Variants in TLR1 observed in about 807,000 individuals in gnomAD.
TLR1 encodes toll like receptor 1, also known as toll-like receptor 1.
In TLR1, 19 loss-of-function variants were observed where a neutral mutation model predicts 20.2. That is an observed-to-expected ratio of 0.94 (90% CI 0.66 to 1.38). TLR1 has a LOEUF of 1.38. Ranked by LOEUF, TLR1 falls within the 40% of genes most tolerant of loss-of-function variation. The pLI is 0.00. For synonymous variants in TLR1, 320 were observed against 334.5 expected (o/e 0.96, Z 0.47); for missense variants, 921 against 910.0 (o/e 1.01, Z -0.16).
At position 38,796,329 on chromosome 4, in the gene TLR1, G is replaced by A; in HGVS notation, c.*142C>T. ...TAATACCACATATAAATGGTGAACT[G>A]CGACCCGAAGGTATATATTTTTACC... On this transcript the variant is annotated 3_prime_UTR_variant, in exon 4 of 4. Transcript: ENST00000308979. 1 of 869,814 alleles carries A rather than the reference G, an allele frequency of 1.1e-6. No individual in the cohort carries two copies. The highest frequency in any genetic ancestry group is 1.7e-6 in the Non-Finnish European group (1 of 581,724). 53.9% of individuals were successfully genotyped at this position (869,814 alleles called of 1,614,324 possible).
chr4:38,804,218 C>T (rs1019456068), intron 2 of TLR1, 88 bp downstream of exon 2: 2 of 152,200 alleles, frequency 1.3e-5, no homozygotes, highest in Non-Finnish European at 1.5e-5. Context: ...TTCTACCTCA[C>T]GTCTAGCTCC....
In TLR1 at chr4:38,797,791, A is replaced by G. The variant is rs759346067; in HGVS notation, c.1041T>C (p.Ile347=). Residue 347 remains isoleucine, a synonymous_variant, in exon 4 of 4, where the codon ATT becomes ATC. Transcript: ENST00000308979. ...RMVHMLCPSK[I]SPFLHLDFSN... is the part of the protein sequence containing the mutation. ...AAAAATCCAAATGCAGGAACGGGCT[A>G]ATTTTGGATGGGCAAAGCATGTGGA... is the stretch of plus-strand genomic sequence containing the variant. 1 of 1,614,182 alleles carries G rather than the reference A, an allele frequency of 6.2e-7. No individual in the cohort carries two copies. Among genetic ancestry groups the G allele is most frequent in the Non-Finnish European group, 8.5e-7 (1 of 1,180,002 alleles).
At chr4:38,805,123 T>A (rs997734071), upstream of TLR1, 2 of 152,306 alleles carry the variant, frequency 1.3e-5, no homozygotes, top group African/African-American at 4.8e-5. Flanking sequence ...GTGGTGGCTA[T>A]GCTTGGCAGA....
chr4:38,797,549 A>T lies in TLR1; in HGVS notation c.1283T>A (p.Leu428Ter). 1.2e-6 allele frequency: 2 copies of T among 1,613,680 alleles called. No individual in the cohort carries two copies. The highest frequency in any genetic ancestry group is 1.7e-6 in the Non-Finnish European group (2 of 1,179,930). ...DCSWTKSLLS[L>*]NMSSNILTDT... ...AGTAAGTATATTTGAAGACATATTTAAACTTAATAAACTTTTAGTCCAAGA... is the reference window on the plus strand; with the variant it reads ...AGTAAGTATATTTGAAGACATATTTTAACTTAATAAACTTTTAGTCCAAGA... The change falls in exon 4 of 4, where the codon TTA becomes TAA. Residue 428 changes from leucine to a stop codon, truncating the protein, a stop_gained. Transcript: ENST00000308979. LOFTEE classifies it high-confidence loss of function.
intron 3 of TLR1, chr4:38,800,414 T>C (rs1158470986): frequency 6.6e-6 from 1 of 152,204 alleles, no homozygotes; most frequent in Non-Finnish European, 1.5e-5. Context: ...AGAATACTTT[T>C]TTCATTCATT....
downstream of TLR1, chr4:38,794,655 C>T (rs1221260055): frequency 6.7e-6 from 1 of 148,550 alleles, no homozygotes; most frequent in East Asian, 2.0e-4. Context: ...AAAAAAGACA[C>T]ATCATTTCTA....
In TLR1 at chr4:38,796,805, C is replaced by A; in HGVS notation, c.2027G>T (p.Gly676Val). The A allele has an allele frequency of 6.2e-7, 1 of 1,614,216 alleles. No homozygotes were observed. The highest frequency in any genetic ancestry group is 8.5e-7 in the Non-Finnish European group (1 of 1,180,048). ...GATGATATTTTCCACAATGCTCTTG[C>A]CAGGAACAAAGTTTCTCTCATGAAG... ...ICLHERNFVP[G>V]KSIVENIITC... Residue 676 changes from glycine to valine, a missense_variant, in exon 4 of 4, where the codon GGC becomes GTC. Physicochemically the swap from Gly to Val is moderately radical, Grantham distance 109. Transcript: ENST00000308979.
In TLR1 at chr4:38,798,400, C is replaced by T. The variant is rs549108663; in HGVS notation, c.432G>A (p.Leu144=). ...EFGNMSQLKF[L]GLSTTHLEKS... is the part of the protein sequence containing the mutation. Reference sequence around the variant, plus strand: ...TTTCTAAGTGTGTGGTGCTCAACCCCAGAAATTTTAGTTGAGACATATTGC... The same window carrying T: ...TTTCTAAGTGTGTGGTGCTCAACCCTAGAAATTTTAGTTGAGACATATTGC... The change falls in exon 4 of 4, where the codon CTG becomes CTA. Residue 144 remains leucine (L), a synonymous_variant. Coordinates refer to ENST00000308979, the MANE Select transcript of TLR1 (RefSeq NM_003263.4). The T allele has an allele frequency of 1.9e-6, 3 of 1,613,566 alleles. No homozygotes were observed. The highest frequency in any genetic ancestry group is 2.7e-5 in the African/African-American group (2 of 74,950).
chr4:38,791,859 C>T (rs1725737498), downstream of TLR1, among the ~76,000 whole-genome samples: 1 of 152,148 alleles, frequency 6.6e-6, no homozygotes, highest in Non-Finnish European at 1.5e-5. Flanking sequence ...TCTCATTTTA[C>T]GTCTCCACAG....
downstream of TLR1, among the ~76,000 whole-genome samples, chr4:38,790,524 T>A (rs912672829): frequency 6.6e-6 from 1 of 152,180 alleles, no homozygotes; most frequent in Non-Finnish European, 1.5e-5. Flanking sequence ...ACTATTGTTG[T>A]TCCTGATGGT....
intron 3 of TLR1, chr4:38,800,433 AT>A (rs750507371): frequency 2.0e-5 from 3 of 152,172 alleles, no homozygotes; most frequent in Non-Finnish European, 4.4e-5. Context: ...TTCATCAAAT[AT>A]GTATTTATTC....
At chr4:38,799,783 T>C (rs1300570888) in intron 3 of TLR1, among the ~76,000 whole-genome samples, 2 of 152,206 alleles carry the variant, frequency 1.3e-5, no homozygotes, top group Non-Finnish European at 2.9e-5. Flanking sequence ...CAAAAGGTAA[T>C]TAGATCCTGA....
chr4:38,791,193 T>C (rs1433307470), exon 4 of TLR1: 3 of 152,178 alleles, frequency 2.0e-5, no homozygotes, highest in Non-Finnish European at 2.9e-5. Context: ...AGCCAGGAAG[T>C]CCAGCTCTTC....
chr4:38,794,705 C>T (rs2109338542), downstream of TLR1: 1 of 149,582 alleles, frequency 6.7e-6, no homozygotes, highest in Admixed American at 6.7e-5. Context: ...TCTGAACTTC[C>T]ATTTTATAGC....
chr4:38,792,250 C>T (rs1186474585), downstream of TLR1, among the ~76,000 whole-genome samples: 2 of 152,092 alleles, frequency 1.3e-5, no homozygotes, highest in African/African-American at 4.8e-5. Context: ...TCTATTGTTC[C>T]ACTGGAGAGA....
At chr4:38,793,723 G>A (rs886105366), downstream of TLR1, among the ~76,000 whole-genome samples, 1 of 152,156 alleles carries the variant, frequency 6.6e-6, no homozygotes, top group Non-Finnish European at 1.5e-5. Context: ...TTTACAGGGT[G>A]TAACAAGTTG....
downstream of TLR1, among the ~76,000 whole-genome samples, chr4:38,795,565 C>T (rs1327797579): frequency 2.0e-5 from 3 of 152,178 alleles, no homozygotes; most frequent in East Asian, 1.9e-4. Flanking sequence ...AGAATCTCAG[C>T]GAGATCTCCA....
chr4:38,803,790 A>G (rs1392447647), intron 2 of TLR1, among the ~76,000 whole-genome samples: 1 of 152,252 alleles, frequency 6.6e-6, no homozygotes, highest in Non-Finnish European at 1.5e-5. Flanking sequence ...AGCTGAGCAG[A>G]AAAGGATGCT....
chr4:38,796,328 T>C lies in TLR1; in HGVS notation c.*143A>G. 1.2e-6 allele frequency: 1 copy of C among 865,110 alleles called. No homozygotes were observed. Among genetic ancestry groups the C allele is most frequent in the African/African-American group, 1.7e-5 (1 of 58,866 alleles). 53.6% of individuals were successfully genotyped at this position (865,110 alleles called of 1,614,324 possible). ...TTAATACCACATATAAATGGTGAAC[T>C]GCGACCCGAAGGTATATATTTTTAC... On this transcript the variant is annotated 3_prime_UTR_variant, in exon 4 of 4. Transcript: ENST00000308979.
Sources: gnomAD v4.1 joint callset for allele counts (sites outside exome capture counted in the v4.1 genomes callset) on GRCh38, gnomAD v4.1.1 for gene constraint, MANE v1.5 for transcripts, NCBI Gene and HGNC (gene_info 2026-07-23, HGNC 2026-07-21) for gene names.